Variants in MTUS2 observed in about 807,000 individuals in gnomAD.
MTUS2 encodes the protein microtubule associated scaffold protein 2.
A neutral mutation model predicts 114.1 loss-of-function variants in MTUS2; 40 were observed. The ratio of observed to expected loss-of-function variants is 0.35; its 90% CI spans 0.27 to 0.46. MTUS2 has a LOEUF of 0.46. Ranked by LOEUF, MTUS2 falls within the 20% of genes least tolerant of loss-of-function variation. The pLI, the probability that MTUS2 is intolerant of heterozygous loss-of-function variation, is 1.00. For synonymous variants in MTUS2, 688 were observed against 672.0 expected, an observed-to-expected ratio of 1.02 and a Z score of -0.37; for missense variants, 1,679 against 1,705.4, an observed-to-expected ratio of 0.98 and a Z score of 0.27.
chr13:28,990,309 G>A (rs1392067900), intron 2 of MTUS2, among the ~76,000 whole-genome samples: 1 of 152,212 alleles, frequency 6.6e-6, no homozygotes, highest in Non-Finnish European at 1.5e-5. Context: ...TGGTTGGAGA[G>A]TGAAGGACTT....
At chr13:29,497,360 C>A in intron 13 of MTUS2, 24 bp downstream of exon 13, 1 of 1,594,566 alleles carries the variant, frequency 6.3e-7, no homozygotes, top group East Asian at 2.3e-5. Flanking sequence ...TCCAGGCTTC[C>A]AGCCCCGCAG....
chr13:29,394,673 C>G (rs1265273255), intron 8 of MTUS2, among the ~76,000 whole-genome samples: 3 of 152,222 alleles, frequency 2.0e-5, no homozygotes, highest in Non-Finnish European at 4.4e-5. Flanking sequence ...CGAACTGGTA[C>G]CCATCCTGGT....
At chr13:28,955,725 A>G (rs1004151492) in intron 2 of MTUS2, among the ~76,000 whole-genome samples, 1 of 151,782 alleles carries the variant, frequency 6.6e-6, no homozygotes, top group African/African-American at 2.4e-5. Flanking sequence ...TTGACACTTT[A>G]TCACTCTCAC....
At chr13:29,471,145 C>T (rs1880257885) in intron 9 of MTUS2, among the ~76,000 whole-genome samples, 2 of 152,002 alleles carry the variant, frequency 1.3e-5, no homozygotes, top group African/African-American at 4.8e-5. Flanking sequence ...GAGTTTGAGA[C>T]CGGCCTGGCC....
intron 2 of MTUS2, among the ~76,000 whole-genome samples, chr13:29,017,553 G>T (rs925859081): frequency 1.3e-5 from 2 of 152,130 alleles, no homozygotes; most frequent in Admixed American, 1.3e-4. Context: ...TCAAAGTAAA[G>T]TATTATGACA....
rs1439513701 is a variant in MTUS2, at chr13:29,027,499, A to G, written c.2205+596A>G. Among the ~76,000 whole-genome samples the G allele has an allele frequency of 3.2e-4, 48 of 152,224 alleles. 1 individual carries two copies. Among genetic ancestry groups the G allele is most frequent in the South Asian group, 1.4e-3 (7 of 4,834 alleles). On this transcript the variant is annotated intron_variant, in intron 3 of 15. Coordinates refer to ENST00000612955, the MANE Select transcript of MTUS2 (RefSeq NM_001033602.4). ...TTTGTTAATCTTCACTAATCCTTGC[A>G]GTAATTCCCTGAGGGTTGGTATTGC...
At chr13:29,336,750 C>G (rs1027670043) in intron 7 of MTUS2, among the ~76,000 whole-genome samples, 1 of 152,224 alleles carries the variant, frequency 6.6e-6, no homozygotes, top group Non-Finnish European at 1.5e-5. Context: ...CACACCTGCC[C>G]CTTTCCCCAG....
intron 5 of MTUS2, among the ~76,000 whole-genome samples, chr13:29,141,259 A>C (rs1892207333): frequency 1.3e-5 from 2 of 152,214 alleles, no homozygotes; most frequent in African/African-American, 4.8e-5. Context: ...TTCAGAATGC[A>C]GTGTGGTAAG....
chr13:29,502,218 G>C (rs770076609), intron 15 of MTUS2, among the ~76,000 whole-genome samples: 12 of 152,228 alleles, frequency 7.9e-5, no homozygotes, highest in Admixed American at 1.3e-4. Flanking sequence ...TCCAACAGAG[G>C]TGATTTTTCT....
intron 12 of MTUS2, among the ~76,000 whole-genome samples, chr13:29,494,108 C>T (rs1882371658): frequency 6.6e-6 from 1 of 152,186 alleles, no homozygotes; most frequent in South Asian, 2.1e-4. Flanking sequence ...CCTCTGTAAA[C>T]CTTAGTTTAC....
chr13:29,340,356 G>T (rs1423586276), intron 7 of MTUS2, among the ~76,000 whole-genome samples: 1 of 152,236 alleles, frequency 6.6e-6, no homozygotes, highest in Non-Finnish European at 1.5e-5. Flanking sequence ...GTTGACAGAA[G>T]GGTGCTGTTT....
chr13:29,302,696 G>GT (rs1412162847), intron 6 of MTUS2, among the ~76,000 whole-genome samples: 10 of 152,232 alleles, frequency 6.6e-5, no homozygotes, highest in Admixed American at 2.6e-4. Flanking sequence ...CACCATCTCT[G>GT]TGGTTCAGTT....
chr13:29,389,492 TGTATATATG>T lies in MTUS2; in HGVS notation c.3117+30020_3117+30028del, dbSNP rs1469687044. On this transcript the variant is annotated intron_variant, in intron 8 of 15. Coordinates refer to ENST00000612955, the MANE Select transcript of MTUS2 (RefSeq NM_001033602.4). ...GTATATGTATACACGTGTGTGTATG[TGTATATATG>T]TATACACGTGTGTGTATGTGTATAT... 6.5e-5 allele frequency among the ~76,000 whole-genome samples: 7 copies of T among 108,150 alleles called. 1 individual carries two copies. Among genetic ancestry groups the T allele is most frequent in the African/African-American group, 2.7e-4 (7 of 25,570 alleles). The allele number at this position is 108,150 out of a possible 152,430, so 71.0% of individuals were successfully genotyped here.
At chr13:29,442,664 G>A (rs549846690) in intron 9 of MTUS2, among the ~76,000 whole-genome samples, 38 of 106,702 alleles carry the variant, frequency 3.6e-4, no homozygotes, top group African/African-American at 1.0e-3. Context: ...TGTTTCCCTC[G>A]GAAGTATTGA....
chr13:29,105,116 T>C (rs1890599954), intron 5 of MTUS2, among the ~76,000 whole-genome samples: 1 of 152,206 alleles, frequency 6.6e-6, no homozygotes, highest in African/African-American at 2.4e-5. Context: ...ATTTTGGGGT[T>C]TGAGTTGCTC....
intron 9 of MTUS2, among the ~76,000 whole-genome samples, chr13:29,456,268 A>G (rs938747592): frequency 1.1e-4 from 17 of 152,186 alleles, no homozygotes. Context: ...GAAAAGAGTC[A>G]GTAAATTGAA....
intron 8 of MTUS2, among the ~76,000 whole-genome samples, chr13:29,439,335 A>C (rs1260389993): frequency 1.3e-5 from 2 of 152,208 alleles, no homozygotes; most frequent in African/African-American, 4.8e-5. Context: ...ACAACTTAGC[A>C]GTCATTTAGT....
At chr13:29,204,393 C>T (rs1331011113) in intron 5 of MTUS2, among the ~76,000 whole-genome samples, 6 of 152,230 alleles carry the variant, frequency 3.9e-5, no homozygotes, top group Non-Finnish European at 8.8e-5. Context: ...TCCAAAGCCG[C>T]TGCTTCATGT....
chr13:29,050,860 G>A (rs1887862026), intron 4 of MTUS2, among the ~76,000 whole-genome samples: 1 of 152,196 alleles, frequency 6.6e-6, no homozygotes, highest in African/African-American at 2.4e-5. Flanking sequence ...CAAAAGCCTT[G>A]AGGTGGGAGT....
Sources: allele counts gnomAD v4.1 joint callset (sites outside exome capture counted in the v4.1 genomes callset), GRCh38; gene constraint gnomAD v4.1.1; transcripts MANE v1.5; gene names NCBI Gene and HGNC (gene_info 2026-07-23, HGNC 2026-07-21).